SPINK5: variants seen among roughly 807,000 people sequenced by gnomAD.
SPINK5 encodes serine protease inhibitor Kazal-type 5.
In SPINK5, 125 loss-of-function variants were observed where a neutral mutation model predicts 151.8. The observed-to-expected ratio is 0.82, with a 90% confidence interval of 0.71 to 0.96. The LOEUF is 0.96. Ranked by LOEUF, SPINK5 falls within the 40% of genes least tolerant of loss-of-function variation. The probability of loss-of-function intolerance (pLI) is 0.00; values close to 1 mark genes in which losing one functional copy is unlikely to be tolerated. For missense variants in SPINK5, 1,194 were observed against 1,291.9 expected (o/e 0.92, Z 1.16); for synonymous variants, 374 against 395.3 (o/e 0.95, Z 0.64).
rs1375839897 is a variant in SPINK5 at position 148,100,600 on chromosome 5, G to A, written c.1220+19G>A. ...TCTTCTTGTGAGTAGCCCTGCAGCT[G>A]GGAACATGGAGGAATGATTTTGTTC... On this transcript the variant is annotated intron_variant, in intron 13 of 32. Transcript: ENST00000256084. 2 of 1,611,724 alleles carry A rather than the reference G, an allele frequency of 1.2e-6. No homozygotes were observed. Among genetic ancestry groups the A allele is most frequent in the Admixed American group, 1.7e-5 (1 of 59,870 alleles).
intron 26 of SPINK5, among the ~76,000 whole-genome samples, chr5:148,122,060 A>G (rs1754283438): frequency 6.6e-6 from 1 of 151,864 alleles, no homozygotes; most frequent in South Asian, 2.1e-4. Context: ...TACACATGCA[A>G]CGTTAAATAA....
chr5:148,098,017 T>C (rs1330129685), intron 11 of SPINK5, 23 bp downstream of exon 11: 2 of 1,607,302 alleles, frequency 1.2e-6, no homozygotes, highest in African/African-American at 2.7e-5. Flanking sequence ...TTTTAGAATG[T>C]CAAAGAAAGA....
rs143294927 is a variant in SPINK5 at position 148,073,263 on chromosome 5, G to A, written c.282+1043G>A. Among the ~76,000 whole-genome samples, 17 of 151,918 alleles carry A rather than the reference G, an allele frequency of 1.1e-4. No homozygotes were observed. The East Asian group carries it at 3.1e-3, about 28-fold the overall frequency. On this transcript the variant is annotated intron_variant, in intron 4 of 32. Transcript: ENST00000256084. ...ACCTTAATTACTTATAACATCCATG[G>A]TCTAACAACGCTGACATCTTCCTTG... is the stretch of plus-strand genomic sequence containing the variant.
At chr5:148,066,882 A>G (rs929826804) in intron 2 of SPINK5, among the ~76,000 whole-genome samples, 5 of 152,194 alleles carry the variant, frequency 3.3e-5, no homozygotes, top group African/African-American at 1.2e-4. Context: ...ATTTGGTATT[A>G]AAGGCAAGAA....
At position 148,092,386 on chromosome 5, in the gene SPINK5, G is replaced by T. The variant is rs368507960; in HGVS notation, c.666+1158G>T. Among the ~76,000 whole-genome samples the T allele has an allele frequency of 7.9e-5, 12 of 151,896 alleles. No individual in the cohort carries two copies. In the East Asian group the frequency reaches 2.3e-3, roughly 30 times the overall value. On this transcript the variant is annotated intron_variant, in intron 8 of 32. Transcript: ENST00000256084. ...AAGGATTGAAAAGGAATTCTTTTGTGGTGGTTGTTAAATTTCAGTCTAAAA... is the reference window on the plus strand; with the variant it reads ...AAGGATTGAAAAGGAATTCTTTTGTTGTGGTTGTTAAATTTCAGTCTAAAA...
Position 148,101,834 on chromosome 5 carries a change from C to CAGAG in SPINK5, c.1360_1363dup (p.Asn455ArgfsTer3). On this transcript the variant is annotated frameshift_variant, in exon 15 of 33. Coordinates refer to ENST00000256084, the MANE Select transcript of SPINK5 (RefSeq NM_006846.4). LOFTEE classifies it high-confidence loss of function. ...GGAAAAACGGACGGCTTTTTTGCAC[C>CAGAG]AGAGAGAATGACCCCATCCAGGGCC... 6.2e-7 allele frequency: 1 copy of CAGAG among 1,613,744 alleles called. No individual in the cohort carries two copies. Among genetic ancestry groups the CAGAG allele is most frequent in the Non-Finnish European group, 8.5e-7 (1 of 1,179,812 alleles).
intron 1 of SPINK5, 34 bp downstream of exon 1, chr5:148,064,133 C>T: frequency 6.2e-7 from 1 of 1,613,360 alleles, no homozygotes; most frequent in Non-Finnish European, 8.5e-7. Flanking sequence ...AGCCTCTTGC[C>T]ACACATCTCA....
At position 148,096,790 on chromosome 5, in the gene SPINK5, T is replaced by G. The variant is rs1290487795; in HGVS notation, c.882+885T>G. On this transcript the variant is annotated intron_variant, in intron 10 of 32. Transcript: ENST00000256084. ...AGACAATTTCTTTCTTTCTTTTTTT[T>G]CTCTGTCACCCAGGCTGGAGTGTAG... Among the ~76,000 whole-genome samples, 24 of 150,852 alleles carry G rather than the reference T, an allele frequency of 1.6e-4. No individual in the cohort carries two copies. The South Asian group carries it at 5.0e-3, about 32-fold the overall frequency.
At chr5:148,078,842 A>G (rs1442179246) in intron 4 of SPINK5, among the ~76,000 whole-genome samples, 1 of 150,732 alleles carries the variant, frequency 6.6e-6, no homozygotes, top group Non-Finnish European at 1.5e-5. Context: ...CAATAATTTA[A>G]TCCTCTACCT....
Position 148,091,316 on chromosome 5 carries a change from C to T in SPINK5, c.666+88C>T, listed in dbSNP as rs546363413. The T allele has an allele frequency of 1.2e-4, 132 of 1,082,224 alleles. 6 individuals carry two copies. The South Asian group carries it at 1.7e-3, about 14-fold the overall frequency. 67.0% of individuals were successfully genotyped at this position (1,082,224 alleles called of 1,614,324 possible). On this transcript the variant is annotated intron_variant, in intron 8 of 32. Transcript: ENST00000256084. The stretch of plus-strand genomic sequence containing the variant: ...AAACCTTTGAGTAATGAAATAAAGT[C>T]ATTGTCTTTTATTATTATATAGATA...
intron 2 of SPINK5, 51 bp from the exon 3 acceptor site, chr5:148,070,268 TAAAG>T: frequency 1.3e-6 from 2 of 1,593,442 alleles, no homozygotes; most frequent in Non-Finnish European, 1.7e-6. Flanking sequence ...TATATCAAAA[TAAAG>T]CTTGTTTTGA....
chr5:148,076,973 A>C (rs528952649), intron 4 of SPINK5, among the ~76,000 whole-genome samples: 3 of 151,656 alleles, frequency 2.0e-5, no homozygotes, highest in Non-Finnish European at 4.4e-5. Context: ...ACACTTTTTG[A>C]GACAGCAGCA....
At chr5:148,120,475 T>C (rs2113195974) in intron 26 of SPINK5, 84 bp downstream of exon 26, 2 of 1,480,556 alleles carry the variant, frequency 1.4e-6, no homozygotes, top group Middle Eastern at 3.4e-4. Flanking sequence ...TGTGAAATGC[T>C]GACTCTGTCC....
intron 17 of SPINK5, among the ~76,000 whole-genome samples, chr5:148,107,907 C>A (rs185236185): frequency 6.6e-6 from 1 of 152,144 alleles, no homozygotes; most frequent in East Asian, 1.9e-4. Flanking sequence ...AAATAAATGC[C>A]GAGAAAAACG....
chr5:148,131,205 A>G, intron 30 of SPINK5, 54 bp from the exon 31 acceptor site: 1 of 1,609,720 alleles, frequency 6.2e-7, no homozygotes, highest in East Asian at 2.2e-5. Context: ...TCTTAAGCCC[A>G]CCCCTCTTCT....
chr5:148,106,838 G>T (rs1251329914), intron 16 of SPINK5, among the ~76,000 whole-genome samples, 199 bp from the exon 17 acceptor site: 1 of 152,050 alleles, frequency 6.6e-6, no homozygotes, highest in East Asian at 1.9e-4. Flanking sequence ...TGTTTTTGAT[G>T]ATAAATATTT....
intron 26 of SPINK5, among the ~76,000 whole-genome samples, chr5:148,123,178 C>T (rs1017136641): frequency 6.6e-6 from 1 of 150,980 alleles, no homozygotes; most frequent in African/African-American, 2.4e-5. Context: ...GAGAGACTCC[C>T]GTCTCTACAA....
intron 22 of SPINK5, 30 bp downstream of exon 22, chr5:148,116,496 G>C: frequency 6.2e-7 from 1 of 1,608,998 alleles, no homozygotes; most frequent in Non-Finnish European, 8.5e-7. Context: ...TCAGTAACTG[G>C]GGCGGGCTCA....
chr5:148,124,071 T>C (rs2113212129), intron 27 of SPINK5, 111 bp downstream of exon 27: 10 of 1,188,576 alleles, frequency 8.4e-6, no homozygotes, highest in African/African-American at 7.6e-5. Context: ...AATGATATGA[T>C]ACCTCCTCTC....
Sources: gnomAD v4.1 joint callset for allele counts (sites outside exome capture counted in the v4.1 genomes callset) on GRCh38, gnomAD v4.1.1 for gene constraint, MANE v1.5 for transcripts, NCBI Gene and HGNC (gene_info 2026-07-23, HGNC 2026-07-21) for gene names.